The following TLE3 variants were observed in gnomAD, a reference collection of about 807,000 sequenced individuals.
TLE3 encodes TLE family member 3, transcriptional corepressor, also known as transducin-like enhancer protein 3.
In TLE3, 14 loss-of-function variants were observed where a neutral mutation model predicts 93.0. That is an observed-to-expected ratio of 0.15 (90% CI 0.10 to 0.24). The LOEUF is 0.24. Among genes scored for constraint, TLE3 ranks in the 10% least tolerant of loss-of-function variants. The probability of loss-of-function intolerance (pLI) is 1.00; values close to 1 mark genes in which losing one functional copy is unlikely to be tolerated. For synonymous variants in TLE3, 451 were observed against 425.0 expected (o/e 1.06, Z -0.75); for missense variants, 693 against 1,046.6 (o/e 0.66, Z 4.66).
At chr15:70,060,820 C>T in intron 8 of TLE3, 171 bp from the exon 9 acceptor site, 1 of 1,125,966 alleles carries the variant, frequency 8.9e-7, no homozygotes, top group East Asian at 2.9e-5. Context: ...GGGAAGCCTT[C>T]CCCACTCCCC....
In TLE3 at chr15:70,094,136, GA is replaced by G. The variant is rs376435158; in HGVS notation, c.234+395del. On this transcript the variant is annotated intron_variant, in intron 4 of 19. Coordinates refer to ENST00000451782, the MANE Select transcript of TLE3 (RefSeq NM_001105192.3). ...GCAGAACATCACATTTCTGCAAAAA[GA>G]AAAAAAAAAGGAGAAAGAAAAAAAA... 2.2e-3 allele frequency among the ~76,000 whole-genome samples: 288 copies of G among 133,336 alleles called. 1 individual carries two copies. Among genetic ancestry groups the G allele is most frequent in the African/African-American group, 7.1e-3 (258 of 36,410 alleles). The allele number at this position is 133,336 out of a possible 152,430, so 87.5% of individuals were successfully genotyped here. A position where few individuals can be genotyped will look rare whatever the true frequency, so the allele number is the denominator to read the frequency against.
At chr15:70,077,883 C>A (rs536271009) in intron 4 of TLE3, among the ~76,000 whole-genome samples, 8 of 152,188 alleles carry the variant, frequency 5.3e-5, no homozygotes, top group Non-Finnish European at 1.0e-4. Flanking sequence ...CAACAATGGC[C>A]CCCACTTCCA....
intron 4 of TLE3, among the ~76,000 whole-genome samples, chr15:70,083,250 C>G (rs2057875352): frequency 1.7e-5 from 1 of 59,216 alleles, no homozygotes; most frequent in South Asian, 8.6e-4. Context: ...TCAAGTCCCT[C>G]CTGGCTTTAG....
In TLE3 at chr15:70,057,476, T is replaced by C. The variant is rs538624968; in HGVS notation, c.1234A>G (p.Met412Val). 2.3e-5 allele frequency: 37 copies of C among 1,605,696 alleles called. No homozygotes were observed. The highest frequency in any genetic ancestry group is 9.0e-5 in the East Asian group (4 of 44,554). Residue 412 changes from methionine to valine, a missense_variant, in exon 13 of 20, where the codon ATG becomes GTG. Physicochemically the swap from Met to Val is conservative, Grantham distance 21. This residue lies in a region of TLE3 where 405 missense variants were observed against 468.9 expected (regional missense o/e 0.86). Coordinates refer to ENST00000451782, the MANE Select transcript of TLE3 (RefSeq NM_001105192.3). ...AAAAAYGRSP[M>V]VSFGAVGFDP... ...CTACGTACAGCTCCAAAGCTCACCA[T>C]TGGCGATCGGCCATAGGCAGCGGCT...
chr15:70,091,454 G>C (rs1335279681), intron 4 of TLE3, among the ~76,000 whole-genome samples: 1 of 152,228 alleles, frequency 6.6e-6, no homozygotes, highest in African/African-American at 2.4e-5. Flanking sequence ...TGATGAGCCG[G>C]TCAGTCATCA....
At chr15:70,050,296 T>G in intron 19 of TLE3, 92 bp from the exon 20 acceptor site, 1 of 958,998 alleles carries the variant, frequency 1.0e-6, no homozygotes, top group Non-Finnish European at 1.7e-6. Flanking sequence ...CAACACCATC[T>G]CGGTTCTCTC....
intron 8 of TLE3, among the ~76,000 whole-genome samples, chr15:70,063,457 C>A (rs1419914808): frequency 1.3e-5 from 2 of 152,148 alleles, no homozygotes; most frequent in Admixed American, 1.3e-4. Flanking sequence ...AGCCTCACTG[C>A]TAATGGGAGG....
chr15:70,057,323 T>A lies in TLE3; in HGVS notation c.1251+136A>T, dbSNP rs1379867074. On this transcript the variant is annotated intron_variant, in intron 13 of 19. Transcript: ENST00000451782. Reference sequence around the variant, plus strand: ...CCAGCCAAGTCTCAATTGTTTCCGATACACCTTCCCACAGGGGCAGCTGCC... The same window carrying A: ...CCAGCCAAGTCTCAATTGTTTCCGAAACACCTTCCCACAGGGGCAGCTGCC... 3 of 1,044,288 alleles carry A rather than the reference T, an allele frequency of 2.9e-6. No individual in the cohort carries two copies. The African/African-American group carries it at 4.9e-5, about 17-fold the overall frequency. The allele number at this position is 1,044,288 out of a possible 1,614,324, so 64.7% of individuals were successfully genotyped here.
chr15:70,069,697 G>T (rs2057028312), intron 6 of TLE3, among the ~76,000 whole-genome samples: 1 of 152,248 alleles, frequency 6.6e-6, no homozygotes, highest in Admixed American at 6.5e-5. Flanking sequence ...CTTCCTCAGT[G>T]CAAGAGCAGA....
At chr15:70,095,987 G>A (rs1049369393) in intron 2 of TLE3, 174 bp downstream of exon 2, 2 of 795,280 alleles carry the variant, frequency 2.5e-6, no homozygotes, top group Admixed American at 6.0e-5. Context: ...GGGCTGCTGC[G>A]GGCAGTAAAG....
Position 70,058,062 on chromosome 15 carries a change from C to T in TLE3, c.1051+97G>A. The T allele has an allele frequency of 6.4e-7, 1 of 1,569,080 alleles. No homozygotes were observed. Among genetic ancestry groups the T allele is most frequent in the East Asian group, 2.3e-5 (1 of 43,388 alleles). ...CAGGCCCTGGGAGACACTGCCTGTG[C>T]TCTATCCCATGCGTGTGTGTCACCC... On this transcript the variant is annotated intron_variant, in intron 12 of 19. Transcript: ENST00000451782. This position sits in a 1 kb window ranked among gnomAD's most constrained non-coding sequence, Gnocchi z 4.1.
At chr15:70,092,967 A>C (rs1475951146) in intron 4 of TLE3, among the ~76,000 whole-genome samples, 1 of 152,228 alleles carries the variant, frequency 6.6e-6, no homozygotes, top group African/African-American at 2.4e-5. Context: ...AAAAAAATTA[A>C]GACAGGGCAG....
Position 70,097,793 on chromosome 15 carries a change from CGCGCACGCACACACACACACACCA to C in TLE3, c.-1019_-996del, listed in dbSNP as rs2058632256. Reference sequence around the variant, plus strand: ...CACACACACCCAACACACACACACGCGCGCACGCACACACACACACACCAAAAAAAAAAGTGCCCCGGACCTACG... The same window carrying C: ...CACACACACCCAACACACACACACGCAAAAAAAAAGTGCCCCGGACCTACG... On this transcript the variant is annotated 5_prime_UTR_variant, in exon 1 of 20. Coordinates refer to ENST00000451782, the MANE Select transcript of TLE3 (RefSeq NM_001105192.3). 14 of 368,582 alleles carry C rather than the reference CGCGCACGCACACACACACACACCA, an allele frequency of 3.8e-5. No homozygotes were observed. The highest frequency in any genetic ancestry group is 3.2e-4 in the South Asian group (2 of 6,160). The allele number at this position is 368,582 out of a possible 1,614,324, so 22.8% of individuals were successfully genotyped here. A position where few individuals can be genotyped will look rare whatever the true frequency, so the allele number is the denominator to read the frequency against.
In TLE3 at chr15:70,049,197, G is replaced by A. The variant is rs1403589803; in HGVS notation, c.*900C>T. 1 of 152,324 alleles carries A rather than the reference G, an allele frequency of 6.6e-6. No individual in the cohort carries two copies. Among genetic ancestry groups the A allele is most frequent in the African/African-American group, 2.4e-5 (1 of 41,448 alleles). The allele number at this position is 152,324 out of a possible 1,614,324, so 9.4% of individuals were successfully genotyped here. ...AGTGTGCACCAAAGAGAAAGACCAGGCTGAGGAGGAGAGAGGGAGAGACCA... is the reference window on the plus strand; with the variant it reads ...AGTGTGCACCAAAGAGAAAGACCAGACTGAGGAGGAGAGAGGGAGAGACCA... On this transcript the variant is annotated 3_prime_UTR_variant, in exon 20 of 20. Coordinates refer to ENST00000451782, the MANE Select transcript of TLE3 (RefSeq NM_001105192.3).
At chr15:70,073,685 A>G (rs2057298109) in intron 6 of TLE3, among the ~76,000 whole-genome samples, 1 of 152,184 alleles carries the variant, frequency 6.6e-6, no homozygotes, top group Admixed American at 6.5e-5. Context: ...TTCATTTCAG[A>G]GATGAAAGGT....
intron 8 of TLE3, among the ~76,000 whole-genome samples, chr15:70,061,511 G>C (rs770418221): frequency 5.9e-5 from 9 of 152,148 alleles, no homozygotes; most frequent in Non-Finnish European, 1.3e-4. Context: ...GGAAGATGAC[G>C]GAGTAGTCCT....
At chr15:70,068,035 G>T (rs1469874106) in intron 6 of TLE3, among the ~76,000 whole-genome samples, 1 of 152,190 alleles carries the variant, frequency 6.6e-6, no homozygotes, top group African/African-American at 2.4e-5. Context: ...TCCCAGCTAA[G>T]AAACTCCAGC....
Position 70,094,517 on chromosome 15 carries a change from G to C in TLE3, c.234+15C>G. On this transcript the variant is annotated intron_variant, in intron 4 of 19. Transcript: ENST00000451782. ...TAAAAAATGAAATATATTTTTAAAA[G>C]AGAAAAGCACTTACCTGCTTGTGCA... The C allele has an allele frequency of 6.5e-7, 1 of 1,530,768 alleles. No individual in the cohort carries two copies. Among genetic ancestry groups the C allele is most frequent in the South Asian group, 1.2e-5 (1 of 80,208 alleles). 94.8% of individuals were successfully genotyped at this position (1,530,768 alleles called of 1,614,324 possible). A position where few individuals can be genotyped will look rare whatever the true frequency, so the allele number is the denominator to read the frequency against.
chr15:70,055,928 GC>G (rs2055978179), intron 14 of TLE3: 1 of 376,980 alleles, frequency 2.7e-6, no homozygotes, highest in African/African-American at 2.1e-5. Context: ...ACAGGGAAGG[GC>G]CTGCGACCAG....
Sources: gnomAD v4.1 joint callset for allele counts (sites outside exome capture counted in the v4.1 genomes callset) on GRCh38, gnomAD v4.1.1 for gene constraint, gnomAD v4.1.1 regional missense constraint, Gnocchi (gnomAD v3.1) non-coding constraint, MANE v1.5 for transcripts, NCBI Gene and HGNC (gene_info 2026-07-23, HGNC 2026-07-21) for gene names.